The following SNTG2 variants were observed in gnomAD, a reference collection of about 807,000 sequenced individuals.
SNTG2 encodes gamma-2-syntrophin.
A neutral mutation model predicts 70.9 loss-of-function variants in SNTG2; 74 were observed. The ratio of observed to expected loss-of-function variants is 1.04; its 90% confidence interval spans 0.86 to 1.27. SNTG2 has a LOEUF of 1.27. SNTG2 is among the 50% of genes most tolerant of loss of function. SNTG2 has a pLI of 0.00. For missense variants in SNTG2, 717 were observed against 690.7 expected (o/e 1.04, Z -0.43); for synonymous variants, 278 against 273.8 (o/e 1.02, Z -0.15).
chr2:1,209,050 G>A lies in SNTG2; in HGVS notation c.592-53G>A, dbSNP rs575337866. ...CAGGTGCCTGCAGATGCCTCTCCCCGCATGCAGCCTCCTCTGCCTCTGTGA... is the reference window on the plus strand; with the variant it reads ...CAGGTGCCTGCAGATGCCTCTCCCCACATGCAGCCTCCTCTGCCTCTGTGA... On this transcript the variant is annotated intron_variant, in intron 8 of 16. Transcript: ENST00000308624. The A allele has an allele frequency of 1.9e-5, 31 of 1,598,080 alleles. No individual in the cohort carries two copies. The East Asian group carries it at 3.8e-4, about 20-fold the overall frequency.
intron 1 of SNTG2, among the ~76,000 whole-genome samples, chr2:999,603 A>G (rs1419410750): frequency 6.6e-6 from 1 of 152,068 alleles, no homozygotes; most frequent in Non-Finnish European, 1.5e-5. Context: ...ACAATCATAA[A>G]TATACATGCC....
At chr2:1,333,980 G>C (rs1486293280) in intron 16 of SNTG2, among the ~76,000 whole-genome samples, 1 of 152,162 alleles carries the variant, frequency 6.6e-6, no homozygotes, top group Non-Finnish European at 1.5e-5. Flanking sequence ...CACAGCAAAA[G>C]AAATGATCAG....
At chr2:1,026,637 G>T (rs1367505932) in intron 1 of SNTG2, among the ~76,000 whole-genome samples, 1 of 152,158 alleles carries the variant, frequency 6.6e-6, no homozygotes, top group African/African-American at 2.4e-5. Flanking sequence ...CACCCAGCAT[G>T]TCTCATTCTC....
intron 12 of SNTG2, among the ~76,000 whole-genome samples, chr2:1,250,459 CTCTG>C (rs1304313479): frequency 1.3e-5 from 2 of 152,008 alleles, no homozygotes; most frequent in African/African-American, 2.4e-5. Context: ...CTTTGTCTCT[CTCTG>C]TCTGACTCTC....
intron 9 of SNTG2, among the ~76,000 whole-genome samples, chr2:1,229,713 G>A (rs890805189): frequency 9.2e-5 from 14 of 152,232 alleles, no homozygotes; most frequent in African/African-American, 3.1e-4. Flanking sequence ...AGGCTCAGGC[G>A]TGGCGGGCTG....
intron 1 of SNTG2, among the ~76,000 whole-genome samples, chr2:1,031,529 T>G (rs1660823022): frequency 2.3e-5 from 1 of 42,676 alleles, no homozygotes; most frequent in African/African-American, 1.1e-4. Context: ...TATATATATA[T>G]TTTTTTTTTT....
At chr2:1,133,793 T>C (rs1668176400) in intron 4 of SNTG2, among the ~76,000 whole-genome samples, 1 of 152,214 alleles carries the variant, frequency 6.6e-6, no homozygotes, top group African/African-American at 2.4e-5. Context: ...ATTTAATAAC[T>C]GGGAATGACT....
chr2:969,408 C>G lies in SNTG2; in HGVS notation c.72+18340C>G, dbSNP rs1660669419. Reference sequence around the variant, plus strand: ...TTTTTTCTAATTCTGTGAAGAATGTCCTTGGTTGTTTGAAAGAAATAGCAT... The same window carrying G: ...TTTTTTCTAATTCTGTGAAGAATGTGCTTGGTTGTTTGAAAGAAATAGCAT... On this transcript the variant is annotated intron_variant, in intron 1 of 16. Coordinates refer to ENST00000308624, the MANE Select transcript of SNTG2 (RefSeq NM_018968.4). Among the ~76,000 whole-genome samples the G allele has an allele frequency of 1.3e-5, 2 of 151,816 alleles. 1 individual carries two copies. The highest frequency in any genetic ancestry group is 1.3e-4 in the Admixed American group (2 of 15,244).
intron 16 of SNTG2, among the ~76,000 whole-genome samples, chr2:1,322,085 G>C (rs985697565): frequency 2.0e-5 from 3 of 152,028 alleles, no homozygotes; most frequent in African/African-American, 7.2e-5. Context: ...TCTTTGTTTT[G>C]GTTTTAAGTC....
intron 16 of SNTG2, among the ~76,000 whole-genome samples, chr2:1,324,771 A>G (rs2148276397): frequency 6.6e-6 from 1 of 152,366 alleles, no homozygotes; most frequent in African/African-American, 2.4e-5. Context: ...TGCAGCAATA[A>G]TAATGACTGG....
chr2:1,177,142 T>G (rs933743932), intron 8 of SNTG2, among the ~76,000 whole-genome samples: 22 of 152,198 alleles, frequency 1.4e-4, no homozygotes, highest in African/African-American at 5.1e-4. Context: ...TGGAATACTA[T>G]GCAGCCATAA....
At chr2:1,077,241 G>A (rs1445295572) in intron 1 of SNTG2, among the ~76,000 whole-genome samples, 1 of 152,196 alleles carries the variant, frequency 6.6e-6, no homozygotes, top group East Asian at 1.9e-4. Flanking sequence ...GTTCACATCT[G>A]TTTCTGAGTG....
intron 6 of SNTG2, among the ~76,000 whole-genome samples, chr2:1,148,622 G>A (rs992139161): frequency 1.8e-4 from 28 of 152,214 alleles, no homozygotes; most frequent in Non-Finnish European, 2.9e-5. Flanking sequence ...CTCCCGGGGC[G>A]GGATGCACCT....
chr2:1,035,455 G>A (rs564399898), intron 1 of SNTG2, among the ~76,000 whole-genome samples: 5 of 152,294 alleles, frequency 3.3e-5, no homozygotes, highest in South Asian at 2.1e-4. Context: ...CTTTTGTACC[G>A]CTACTTATTT....
chr2:1,112,778 T>C (rs1666585998), intron 4 of SNTG2, among the ~76,000 whole-genome samples: 1 of 151,606 alleles, frequency 6.6e-6, no homozygotes, highest in African/African-American at 2.4e-5. Flanking sequence ...TTGAGGAGGA[T>C]CGTGTGTACT....
chr2:1,148,070 T>C (rs1175924410), intron 6 of SNTG2, among the ~76,000 whole-genome samples: 1 of 152,210 alleles, frequency 6.6e-6, no homozygotes, highest in Non-Finnish European at 1.5e-5. Context: ...TTCTGGCTCC[T>C]TGTTGGCTTC....
chr2:1,335,722 G>A (rs2148289341), intron 16 of SNTG2, among the ~76,000 whole-genome samples: 1 of 151,948 alleles, frequency 6.6e-6, no homozygotes, highest in South Asian at 2.1e-4. Context: ...ACCACGTGAG[G>A]CACACTCAGG....
chr2:1,200,071 C>G (rs1673182050), intron 8 of SNTG2, among the ~76,000 whole-genome samples: 1 of 151,524 alleles, frequency 6.6e-6, no homozygotes, highest in Admixed American at 6.6e-5. Context: ...CAATCTTAAG[C>G]AAAAAGAACA....
intron 1 of SNTG2, among the ~76,000 whole-genome samples, chr2:1,048,026 T>C (rs1176608343): frequency 6.6e-6 from 1 of 152,214 alleles, no homozygotes; most frequent in East Asian, 1.9e-4. Context: ...TCCATATATT[T>C]AGATTTTTAA....
Sources: allele counts gnomAD v4.1 joint callset (sites outside exome capture counted in the v4.1 genomes callset), GRCh38; gene constraint gnomAD v4.1.1; transcripts MANE v1.5; gene names NCBI Gene and HGNC (gene_info 2026-07-23, HGNC 2026-07-21).